The following CACNB2 variants were observed in gnomAD, a reference collection of about 807,000 sequenced individuals.
The protein encoded by CACNB2 is voltage-dependent L-type calcium channel subunit beta-2.
In CACNB2, 42 loss-of-function variants were observed where a neutral mutation model predicts 73.3. That is an observed-to-expected ratio of 0.57 (90% CI 0.45 to 0.74). The LOEUF is 0.74. Among genes scored for constraint, CACNB2 ranks in the 30% least tolerant of loss-of-function variants. The pLI is 0.00. For missense variants in CACNB2, 940 were observed against 853.0 expected (o/e 1.10, Z -1.27); for synonymous variants, 348 against 310.3 (o/e 1.12, Z -1.28).
intron 9 of CACNB2, among the ~76,000 whole-genome samples, chr10:18,521,539 C>G (rs905310749): frequency 2.6e-5 from 4 of 152,170 alleles, no homozygotes; most frequent in Non-Finnish European, 5.9e-5. Flanking sequence ...GGTCACTATT[C>G]AACTTGCCTC....
intron 8 of CACNB2, 125 bp from the exon 9 acceptor site, chr10:18,518,785 A>T (rs1180236489): frequency 1.7e-5 from 14 of 845,746 alleles, no homozygotes; most frequent in Non-Finnish European, 2.2e-5. Context: ...CGGCAACCTC[A>T]TATTGCCACT....
chr10:18,253,470 T>A (rs949998730), intron 2 of CACNB2, among the ~76,000 whole-genome samples: 4 of 152,158 alleles, frequency 2.6e-5, no homozygotes, highest in African/African-American at 9.7e-5. Context: ...AAAGAGGAAA[T>A]CAAAATTGCT....
intron 2 of CACNB2, among the ~76,000 whole-genome samples, chr10:18,240,065 G>A (rs554041661): frequency 6.6e-6 from 1 of 152,076 alleles, no homozygotes; most frequent in Non-Finnish European, 1.5e-5. Flanking sequence ...AAAATCTTCA[G>A]TATGGCAACT....
chr10:18,141,658 T>C (rs1398143249), intron 1 of CACNB2, among the ~76,000 whole-genome samples: 1 of 149,478 alleles, frequency 6.7e-6, no homozygotes, highest in Non-Finnish European at 1.5e-5. Context: ...CGCTGGGCAA[T>C]GACAAGGTGG....
intron 3 of CACNB2, among the ~76,000 whole-genome samples, chr10:18,417,519 C>G (rs1208482026): frequency 3.3e-5 from 5 of 151,898 alleles, no homozygotes; most frequent in Non-Finnish European, 4.4e-5. Flanking sequence ...CGGGCACACA[C>G]CACCACACCC....
At chr10:18,502,461 C>T (rs61839304) in intron 5 of CACNB2, among the ~76,000 whole-genome samples, 15,709 of 150,688 alleles carry the variant, frequency 0.1, 1,161 homozygotes, top group East Asian at 0.36. Context: ...GAGGCTGAGG[C>T]GGGCATATCA....
At chr10:18,186,419 G>GA (rs72271975) in intron 2 of CACNB2, among the ~76,000 whole-genome samples, 17,517 of 142,706 alleles carry the variant, frequency 0.12, 1,494 homozygotes, top group East Asian at 0.29. Flanking sequence ...AACTCCGTCT[G>GA]AAAAAAAAAA....
At chr10:18,482,576 T>A (rs572497308) in intron 3 of CACNB2, among the ~76,000 whole-genome samples, 1 of 152,340 alleles carries the variant, frequency 6.6e-6, no homozygotes, top group East Asian at 1.9e-4. Flanking sequence ...AGTGGCATGA[T>A]CACGGTTCAC....
intron 10 of CACNB2, among the ~76,000 whole-genome samples, chr10:18,529,521 C>T (rs557371424): frequency 1.3e-5 from 2 of 152,222 alleles, no homozygotes; most frequent in East Asian, 3.9e-4. Context: ...TTCCAGGGAG[C>T]TGATCCTGAG....
At chr10:18,509,601 C>A (rs140058852) in intron 6 of CACNB2, among the ~76,000 whole-genome samples, 1 of 152,052 alleles carries the variant, frequency 6.6e-6, no homozygotes, top group Non-Finnish European at 1.5e-5. Flanking sequence ...GAGTTCAAGA[C>A]CAGCCTGGAC....
At chr10:18,172,096 C>T (rs751236934) in intron 2 of CACNB2, among the ~76,000 whole-genome samples, 1 of 152,192 alleles carries the variant, frequency 6.6e-6, no homozygotes, top group East Asian at 1.9e-4. Flanking sequence ...GGCACAGTGT[C>T]CCAGGCCTGT....
intron 2 of CACNB2, chr10:18,400,502 G>A (rs2043936535): frequency 6.0e-6 from 5 of 833,336 alleles, no homozygotes; most frequent in Non-Finnish European, 5.8e-6. Flanking sequence ...GAGCATCTGC[G>A]TAAAAAGGCG....
chr10:18,361,354 CTGTGCA>C (rs1193807796), intron 2 of CACNB2, among the ~76,000 whole-genome samples: 23 of 150,570 alleles, frequency 1.5e-4, no homozygotes, highest in Admixed American at 1.5e-3. Context: ...AAAAAAATAG[CTGTGCA>C]TGATGGTGCA....
chr10:18,236,667 T>TA (rs1038762368), intron 2 of CACNB2, among the ~76,000 whole-genome samples: 2 of 152,080 alleles, frequency 1.3e-5, no homozygotes, highest in African/African-American at 2.4e-5. Context: ...TTTGTGTTAT[T>TA]AAAAAAAGTA....
chr10:18,282,286 A>T (rs7072759), intron 2 of CACNB2, among the ~76,000 whole-genome samples: 1 of 152,050 alleles, frequency 6.6e-6, no homozygotes, highest in East Asian at 1.9e-4. Flanking sequence ...CACAGAGGAC[A>T]CTGCAGCTGT....
At chr10:18,272,058 A>G (rs1465386008) in intron 2 of CACNB2, among the ~76,000 whole-genome samples, 1 of 151,490 alleles carries the variant, frequency 6.6e-6, no homozygotes, top group Non-Finnish European at 1.5e-5. Flanking sequence ...GGAGGGAGTA[A>G]TATTTCCAGT....
chr10:18,340,923 T>C lies in CACNB2; in HGVS notation c.214-61001T>C, dbSNP rs369696287. ...GTGCTGGGCGCACTTGGAATTGGTC[T>C]AGCATGCTTGACAGACGCCTTATAG... On this transcript the variant is annotated intron_variant, in intron 2 of 13. Transcript: ENST00000324631. The C allele has an allele frequency of 1.1e-5, 17 of 1,614,060 alleles. No homozygotes were observed. The African/African-American group carries it at 2.1e-4, about 20-fold the overall frequency.
intron 2 of CACNB2, among the ~76,000 whole-genome samples, chr10:18,345,539 C>T (rs770488462): frequency 2.2e-4 from 33 of 152,192 alleles, no homozygotes; most frequent in Non-Finnish European, 4.0e-4. Context: ...TCCCATCCGT[C>T]TGTCTCTGTA....
intron 2 of CACNB2, among the ~76,000 whole-genome samples, chr10:18,218,273 G>C (rs544340172): frequency 6.6e-6 from 1 of 152,280 alleles, no homozygotes; most frequent in African/African-American, 2.4e-5. Flanking sequence ...ATAATATTTT[G>C]ACAAATCAAT....
Sources: gnomAD v4.1 joint callset for allele counts (sites outside exome capture counted in the v4.1 genomes callset) on GRCh38, gnomAD v4.1.1 for gene constraint, MANE v1.5 for transcripts, NCBI Gene and HGNC (gene_info 2026-07-23, HGNC 2026-07-21) for gene names.